SFI1: variants seen among roughly 807,000 people sequenced by gnomAD.
SFI1 encodes the protein SFI1 centrin binding protein.
Under a neutral mutation model 207.5 loss-of-function variants are expected in SFI1, and 195 were observed. That is an observed-to-expected ratio of 0.94 (90% CI 0.84 to 1.06). The LOEUF (loss-of-function observed/expected upper bound fraction) is 1.06, where lower values mean the gene tolerates loss of function less well. Ranked by LOEUF, SFI1 falls within the 50% of genes least tolerant of loss-of-function variation. The pLI is 0.00. For missense variants in SFI1, 1,634 were observed against 1,588.0 expected (o/e 1.03, Z -0.49); for synonymous variants, 630 against 598.9 (o/e 1.05, Z -0.76).
At chr22:31,536,811 G>A (rs543952308) in intron 4 of SFI1, among the ~76,000 whole-genome samples, 2 of 152,256 alleles carry the variant, frequency 1.3e-5, no homozygotes, top group South Asian at 4.2e-4. Context: ...CTTGGGAAAT[G>A]CTGATTGTAT....
At position 31,614,808 on chromosome 22, in the gene SFI1, A is replaced by C; in HGVS notation, c.3016A>C (p.Arg1006=). The change falls in exon 28 of 33, where the codon AGG becomes CGG. Residue 1006 remains arginine (R), a synonymous_variant. Coordinates refer to ENST00000400288, the MANE Select transcript of SFI1 (RefSeq NM_001007467.3). ...ALELNTAHSA[R]KQPRRPHFLL... ...TTCCAGCAACACTGCCCACTCAGCG[A>C]GGAAGCAGCCGCGACGCCCACACTT... The C allele has an allele frequency of 6.2e-7, 1 of 1,613,872 alleles. No homozygotes were observed. Among genetic ancestry groups the C allele is most frequent in the South Asian group, 1.1e-5 (1 of 91,082 alleles).
At chr22:31,508,778 G>C (rs764685611) in intron 2 of SFI1, among the ~76,000 whole-genome samples, 2 of 152,078 alleles carry the variant, frequency 1.3e-5, no homozygotes, top group Non-Finnish European at 2.9e-5. Context: ...GGCAGCCTCT[G>C]TATAACTCTC....
chr22:31,614,760 AG>A (rs1332058428), intron 27 of SFI1, 28 bp from the exon 28 acceptor site: 1 of 1,612,510 alleles, frequency 6.2e-7, no homozygotes, highest in Non-Finnish European at 8.5e-7. Context: ...TGGTCAGCCC[AG>A]GGGAACAGAC....
chr22:31,613,196 G>A lies in SFI1; in HGVS notation c.2545G>A (p.Ala849Thr), dbSNP rs755277133. Residue 849 changes from alanine to threonine, a missense_variant, in exon 25 of 33, where the codon GCC becomes ACC. Ala to Thr is a moderately conservative substitution (Grantham distance 58). Coordinates refer to ENST00000400288, the MANE Select transcript of SFI1 (RefSeq NM_001007467.3). Reference protein sequence around the residue: ...RATVRALWFWAFSLQAKVWAT... With the variant: ...RATVRALWFWTFSLQAKVWAT... ...GACAGTGCGGGCCCTGTGGTTCTGG[G>A]CCTTCTCGCTGCAGGCAAAGGTAAT... is the stretch of plus-strand genomic sequence containing the variant. 1.9e-6 allele frequency: 3 copies of A among 1,613,662 alleles called. No individual in the cohort carries two copies. Among genetic ancestry groups the A allele is most frequent in the African/African-American group, 1.3e-5 (1 of 74,940 alleles).
intron 8 of SFI1, among the ~76,000 whole-genome samples, chr22:31,565,559 C>T (rs906890821): frequency 8.6e-5 from 13 of 150,962 alleles, no homozygotes; most frequent in Admixed American, 3.3e-4. Context: ...ATTAGCTAGA[C>T]GTGGTGGCGC....
At chr22:31,531,938 A>G (rs1833515718) in intron 4 of SFI1, among the ~76,000 whole-genome samples, 1 of 149,900 alleles carries the variant, frequency 6.7e-6, no homozygotes, top group South Asian at 2.1e-4. Flanking sequence ...GCATATGCCT[A>G]TAATCCCAGC....
chr22:31,569,723 G>T (rs1427100778), intron 8 of SFI1, among the ~76,000 whole-genome samples: 1 of 152,094 alleles, frequency 6.6e-6, no homozygotes, highest in Admixed American at 6.6e-5. Context: ...CAAGGCGGGG[G>T]GACAGCTTGA....
intron 8 of SFI1, among the ~76,000 whole-genome samples, chr22:31,564,983 T>A (rs1280395300): frequency 3.2e-5 from 3 of 93,778 alleles, no homozygotes; most frequent in Admixed American, 1.1e-4. Context: ...CTGGCTAATT[T>A]TTTTTTTTTT....
intron 4 of SFI1, among the ~76,000 whole-genome samples, chr22:31,535,252 C>T (rs1351897180): frequency 2.0e-5 from 3 of 148,760 alleles, no homozygotes; most frequent in South Asian, 2.1e-4. Flanking sequence ...TGCAATGACG[C>T]GATCTCGGCT....
intron 14 of SFI1, 73 bp from the exon 15 acceptor site, chr22:31,589,374 G>C (rs2065508747): frequency 7.7e-7 from 1 of 1,303,124 alleles, no homozygotes; most frequent in Non-Finnish European, 1.0e-6. Flanking sequence ...CCTCCCACAA[G>C]GGTGTGACCC....
intron 27 of SFI1, chr22:31,614,251 T>G: frequency 3.0e-6 from 1 of 329,378 alleles, no homozygotes; most frequent in Non-Finnish European, 5.8e-6. Context: ...ACACTGGCTT[T>G]TTGTCAGAAG....
rs1194418193 is a variant in SFI1 at position 31,611,371 on chromosome 22, A to G, written c.2415+68A>G. On this transcript the variant is annotated intron_variant, in intron 23 of 32. Transcript: ENST00000400288. Reference sequence around the variant, plus strand: ...CAAGGGGTGTCCAGGCCAGGAGACCATTTCTCAGGAAGGGGTCTTTCCTGA... The same window carrying G: ...CAAGGGGTGTCCAGGCCAGGAGACCGTTTCTCAGGAAGGGGTCTTTCCTGA... The G allele has an allele frequency of 4.7e-6, 7 of 1,492,684 alleles. No homozygotes were observed. In the East Asian group the frequency reaches 1.2e-4, roughly 25 times the overall value. The allele number at this position is 1,492,684 out of a possible 1,614,324, so 92.5% of individuals were successfully genotyped here.
intron 17 of SFI1, among the ~76,000 whole-genome samples, chr22:31,603,311 T>G (rs1292853573): frequency 6.6e-6 from 1 of 152,108 alleles, no homozygotes; most frequent in East Asian, 1.9e-4. Flanking sequence ...AGATAAGGGA[T>G]AGGGACAGCA....
intron 1 of SFI1, among the ~76,000 whole-genome samples, chr22:31,507,668 A>G (rs1023958275): frequency 3.3e-5 from 5 of 152,204 alleles, no homozygotes; most frequent in Non-Finnish European, 5.9e-5. Flanking sequence ...AAACAGCCCC[A>G]TTAAGAAGTG....
intron 24 of SFI1, chr22:31,612,423 AT>A (rs1423137246): frequency 3.8e-5 from 5 of 131,904 alleles, no homozygotes; most frequent in Admixed American, 2.3e-4. Context: ...ATATATATAT[AT>A]ATAATCAGTG....
In SFI1 at chr22:31,604,884, G is replaced by A; in HGVS notation, c.1993G>A (p.Val665Met). The change falls in exon 20 of 33, where the codon GTG becomes ATG. Residue 665 changes from valine to methionine, a missense_variant. Transcript: ENST00000400288. ...LQAWVTYQGR[V>M]RSILREVAAR... Reference sequence around the variant, plus strand: ...TCCCCTACAGACTTACCAGGGCAGGGTGCGAAGCATCCTCCGGGAGGTGGC... The same window carrying A: ...TCCCCTACAGACTTACCAGGGCAGGATGCGAAGCATCCTCCGGGAGGTGGC... 4 of 1,612,208 alleles carry A rather than the reference G, an allele frequency of 2.5e-6. No homozygotes were observed. The highest frequency in any genetic ancestry group is 1.1e-5 in the South Asian group (1 of 90,898).
chr22:31,580,692 G>A (rs1010349711), intron 12 of SFI1, among the ~76,000 whole-genome samples: 10 of 151,742 alleles, frequency 6.6e-5, no homozygotes, highest in African/African-American at 9.7e-5. Context: ...ACAGGCATGC[G>A]CCACTACACC....
intron 2 of SFI1, among the ~76,000 whole-genome samples, chr22:31,508,949 G>A (rs2055078618): frequency 1.3e-5 from 2 of 152,020 alleles, no homozygotes; most frequent in Admixed American, 1.3e-4. Flanking sequence ...CCTATTTTTA[G>A]TATGTCATCT....
intron 10 of SFI1, 105 bp from the exon 11 acceptor site, chr22:31,578,277 C>T: frequency 3.7e-6 from 4 of 1,079,944 alleles, no homozygotes; most frequent in Non-Finnish European, 5.2e-6. Flanking sequence ...CCACCTGGCA[C>T]GTGTGTTATC....
Sources: allele counts gnomAD v4.1 joint callset (sites outside exome capture counted in the v4.1 genomes callset), GRCh38; gene constraint gnomAD v4.1.1; transcripts MANE v1.5; gene names NCBI Gene and HGNC (gene_info 2026-07-23, HGNC 2026-07-21).